DENND5B: variants seen among roughly 807,000 people sequenced by gnomAD.
The protein encoded by DENND5B is DENN domain containing 5B, also known as DENN domain-containing protein 5B.
In DENND5B, 34 loss-of-function variants were observed where a neutral mutation model predicts 140.6. The ratio of observed to expected loss-of-function variants is 0.24; its 90% CI spans 0.18 to 0.32. The LOEUF (loss-of-function observed/expected upper bound fraction) is 0.32, where lower values mean the gene tolerates loss of function less well. Ranked by LOEUF, DENND5B falls within the 10% of genes least tolerant of loss-of-function variation. The pLI is 1.00. For missense variants in DENND5B, 1,142 were observed against 1,560.2 expected (o/e 0.73, Z 4.52); for synonymous variants, 551 against 562.1 (o/e 0.98, Z 0.28).
Position 31,557,907 on chromosome 12 carries a change from C to A in DENND5B, c.127+32799G>T, listed in dbSNP as rs370588941. Among the ~76,000 whole-genome samples the A allele has an allele frequency of 1.2e-4, 18 of 151,110 alleles. No homozygotes were observed. The South Asian group carries it at 1.5e-3, about 12-fold the overall frequency. ...GGCAAGAAGCTGCTCTGAAGTCTCC[C>A]AACCCTTCAGCCAGGCATGGTAGTA... On this transcript the variant is annotated intron_variant, in intron 1 of 20. Coordinates refer to ENST00000389082, the MANE Select transcript of DENND5B (RefSeq NM_144973.4).
At chr12:31,445,038 G>A (rs1196725124) in intron 6 of DENND5B, among the ~76,000 whole-genome samples, 2 of 152,206 alleles carry the variant, frequency 1.3e-5, no homozygotes, top group African/African-American at 4.8e-5. Flanking sequence ...AAGAGAGACA[G>A]ATCAAGGAAG....
rs527420184 is a variant in DENND5B at position 31,420,925 on chromosome 12, G to T, written c.2470+2672C>A. Among the ~76,000 whole-genome samples the T allele has an allele frequency of 3.3e-5, 5 of 152,056 alleles. No homozygotes were observed. The South Asian group carries it at 1.0e-3, about 32-fold the overall frequency. On this transcript the variant is annotated intron_variant, in intron 11 of 20. Transcript: ENST00000389082. ...ATGGTCCCTATCTTTCCATTCCTCTGCAACTCTTAAAATGTCTCTGACTCC... is the reference window on the plus strand; with the variant it reads ...ATGGTCCCTATCTTTCCATTCCTCTTCAACTCTTAAAATGTCTCTGACTCC...
intron 3 of DENND5B, among the ~76,000 whole-genome samples, chr12:31,470,892 C>A (rs1054117189): frequency 3.3e-5 from 5 of 152,118 alleles, no homozygotes; most frequent in Non-Finnish European, 5.9e-5. Flanking sequence ...TCCTGGGTGG[C>A]CACTCATGGG....
intron 1 of DENND5B, chr12:31,590,493 C>T (rs1592111367): frequency 3.7e-6 from 2 of 536,308 alleles, no homozygotes; most frequent in Middle Eastern, 5.8e-4. Context: ...CGCCTGGAGG[C>T]GAAAGCCCCG....
intron 5 of DENND5B, among the ~76,000 whole-genome samples, chr12:31,449,047 G>C (rs1944397763): frequency 6.6e-6 from 1 of 152,034 alleles, no homozygotes; most frequent in Non-Finnish European, 1.5e-5. Flanking sequence ...GTGTGTACAG[G>C]GATTCTACAT....
chr12:31,491,935 AT>A, intron 2 of DENND5B, among the ~76,000 whole-genome samples: 1 of 152,224 alleles, frequency 6.6e-6, no homozygotes, highest in Non-Finnish European at 1.5e-5. Flanking sequence ...CTGCGGTGGA[AT>A]TTTGCTAAAG....
chr12:31,508,480 G>C (rs2138888599), intron 1 of DENND5B, among the ~76,000 whole-genome samples: 1 of 152,284 alleles, frequency 6.6e-6, no homozygotes, highest in Admixed American at 6.5e-5. Flanking sequence ...CAGTCTATTA[G>C]TAAATAGACT....
intron 3 of DENND5B, among the ~76,000 whole-genome samples, chr12:31,471,473 T>A (rs1488266584): frequency 6.8e-6 from 1 of 148,108 alleles, no homozygotes; most frequent in Non-Finnish European, 1.5e-5. Context: ...TTTTTTTTTT[T>A]TTTTTTTTGT....
intron 15 of DENND5B, 106 bp downstream of exon 15, chr12:31,402,392 G>T: frequency 7.3e-7 from 1 of 1,363,890 alleles, no homozygotes; most frequent in Non-Finnish European, 9.9e-7. Context: ...CGCTTTGAGT[G>T]TTCCTCTATT....
chr12:31,387,659 T>C lies in DENND5B; in HGVS notation c.3769A>G (p.Ile1257Val), dbSNP rs750126815. 6.2e-7 allele frequency: 1 copy of C among 1,614,058 alleles called. No homozygotes were observed. The change falls in exon 21 of 21, where the codon ATT becomes GTT. Residue 1257 changes from isoleucine to valine, a missense_variant. Ile to Val is a conservative substitution (Grantham distance 29). This residue lies in a region of DENND5B where 125 missense variants were observed against 179.0 expected (regional missense o/e 0.70). Coordinates refer to ENST00000389082, the MANE Select transcript of DENND5B (RefSeq NM_144973.4). ...TCTAGGACTATGGTGAAGTCCTGAA[T>C]GGTCTGCAGAATTCGGATAAGGGAG... ...VNSLIRILQTIQDFTIVLEGS... is the reference protein window; with the variant it reads ...VNSLIRILQTVQDFTIVLEGS...
Position 31,423,589 on chromosome 12 carries a change from T to C in DENND5B, c.2470+8A>G. On this transcript the variant is annotated splice_region_variant and intron_variant, in intron 11 of 20. Transcript: ENST00000389082. The stretch of plus-strand genomic sequence containing the variant: ...AGTGCTGCTAGTTCTTTACCAATGA[T>C]GTCATACCTGGTGATTCTGCAAGGT... The C allele has an allele frequency of 6.2e-7, 1 of 1,613,746 alleles. No individual in the cohort carries two copies. The highest frequency in any genetic ancestry group is 8.5e-7 in the Non-Finnish European group (1 of 1,179,700).
In DENND5B at chr12:31,460,219, C is replaced by T. The variant is rs767052027; in HGVS notation, c.1067G>A (p.Arg356His). The change falls in exon 4 of 21, where the codon CGT becomes CAT. Residue 356 changes from arginine to histidine, a missense_variant. By Grantham distance (29) the Arg-to-His change is conservative. This residue lies in a region of DENND5B where 708 missense variants were observed against 905.5 expected (regional missense o/e 0.78). Transcript: ENST00000389082. ...MGLQSKEGTD[R>H]SKLELPQEAN... ...CTCTTGAGGAAGTTCTAGTTTAGAA[C>T]GGTCAGTTCCTTCTTTTGACTGAAG... is the stretch of plus-strand genomic sequence containing the variant. 11 of 1,612,692 alleles carry T rather than the reference C, an allele frequency of 6.8e-6. No individual in the cohort carries two copies. Among genetic ancestry groups the T allele is most frequent in the South Asian group, 2.2e-5 (2 of 90,762 alleles).
At chr12:31,418,647 C>T (rs1942880650) in intron 11 of DENND5B, among the ~76,000 whole-genome samples, 1 of 151,978 alleles carries the variant, frequency 6.6e-6, no homozygotes, top group Non-Finnish European at 1.5e-5. Context: ...CCTCTACACT[C>T]CAGATGATTA....
At chr12:31,446,483 ATAAT>A (rs1378206957) in intron 6 of DENND5B, among the ~76,000 whole-genome samples, 3 of 152,238 alleles carry the variant, frequency 2.0e-5, no homozygotes, top group African/African-American at 7.2e-5. Context: ...TGAAGCTATT[ATAAT>A]TAATGGCACT....
At chr12:31,518,577 C>CTTTT (rs5797414) in intron 1 of DENND5B, among the ~76,000 whole-genome samples, 10 of 147,278 alleles carry the variant, frequency 6.8e-5, no homozygotes, top group South Asian at 2.1e-4. Context: ...TCAAATATAC[C>CTTTT]TTTTTTTTTT....
chr12:31,426,533 A>AGT, intron 8 of DENND5B, 109 bp from the exon 9 acceptor site: 3 of 1,256,438 alleles, frequency 2.4e-6, no homozygotes, highest in Non-Finnish European at 3.2e-6. Context: ...AAAGTCCGTA[A>AGT]GTGTATGTGC....
intron 1 of DENND5B, among the ~76,000 whole-genome samples, chr12:31,566,004 G>C (rs576913959): frequency 4.6e-5 from 7 of 151,992 alleles, no homozygotes; most frequent in Non-Finnish European, 1.0e-4. Flanking sequence ...AATTAGCTGG[G>C]CATGGTGGCA....
chr12:31,590,498 G>A, intron 1 of DENND5B: 4 of 564,942 alleles, frequency 7.1e-6, no homozygotes, highest in Non-Finnish European at 1.1e-5. Context: ...GGAGGCGAAA[G>A]CCCCGGTGGG....
intron 1 of DENND5B, among the ~76,000 whole-genome samples, chr12:31,558,412 T>G (rs1386891015): frequency 6.6e-6 from 1 of 152,112 alleles, no homozygotes; most frequent in African/African-American, 2.4e-5. Context: ...AGAGAAATGG[T>G]TCTCACCTCT....
Sources: gnomAD v4.1 joint callset for allele counts (sites outside exome capture counted in the v4.1 genomes callset) on GRCh38, gnomAD v4.1.1 for gene constraint, gnomAD v4.1.1 regional missense constraint, MANE v1.5 for transcripts, NCBI Gene and HGNC (gene_info 2026-07-23, HGNC 2026-07-21) for gene names.